The following PBXIP1 variants were observed in gnomAD, a reference collection of about 807,000 sequenced individuals.
PBXIP1 encodes the protein pre-B-cell leukemia transcription factor-interacting protein 1.
A neutral mutation model predicts 73.7 loss-of-function variants in PBXIP1; 73 were observed. The observed-to-expected ratio is 0.99, with a 90% confidence interval of 0.82 to 1.20. The LOEUF (loss-of-function observed/expected upper bound fraction) is 1.20. PBXIP1 is among the 50% of genes most tolerant of loss of function. PBXIP1 has a pLI of 0.00. For synonymous variants in PBXIP1, 330 were observed against 366.9 expected (o/e 0.90, Z 1.15); for missense variants, 818 against 911.4 (o/e 0.90, Z 1.32).
At chr1:154,953,492 C>T (rs1307080007) in intron 2 of PBXIP1, among the ~76,000 whole-genome samples, 179 bp downstream of exon 2, 2 of 152,210 alleles carry the variant, frequency 1.3e-5, no homozygotes, top group Non-Finnish European at 2.9e-5. Context: ...CAAGTGCCAA[C>T]ACCTGACCCC....
chr1:154,948,466 CA>C, intron 5 of PBXIP1, 100 bp from the exon 6 acceptor site: 1 of 821,382 alleles, frequency 1.2e-6, no homozygotes, highest in Non-Finnish European at 1.9e-6. Flanking sequence ...GGGAGGTCGT[CA>C]GCCCTGACCC....
At position 154,945,775 on chromosome 1, in the gene PBXIP1, G is replaced by T. The variant is rs766372247; in HGVS notation, c.1899C>A (p.Thr633=). ...LARLPWAGQL[T]KELPLSPAFF... ...AAGCAGGTGAGAGGGGTAGCTCCTT[G>T]GTCAGCTGCCCAGCCCAGGGCAGCC... The change falls in exon 10 of 11, where the codon ACC becomes ACA. Residue 633 remains threonine, a synonymous_variant. Transcript: ENST00000368463. 5 of 1,614,140 alleles carry T rather than the reference G, an allele frequency of 3.1e-6. No individual in the cohort carries two copies. The East Asian group carries it at 1.1e-4, about 36-fold the overall frequency.
Position 154,955,523 on chromosome 1 carries a change from G to T in PBXIP1, c.-37+546C>A, listed in dbSNP as rs192444557. 3.0e-3 allele frequency among the ~76,000 whole-genome samples: 457 copies of T among 152,222 alleles called. 1 individual carries two copies. The highest frequency in any genetic ancestry group is 4.8e-3 in the Non-Finnish European group (327 of 68,010). The stretch of plus-strand genomic sequence containing the variant: ...TTCCAAACCCTGATACCTCTTTCTT[G>T]GTTAGGTTAACCCAGGGTTCAAAAA... On this transcript the variant is annotated intron_variant, in intron 1 of 10. Transcript: ENST00000368463.
Position 154,948,332 on chromosome 1 carries a change from A to T in PBXIP1, c.444T>A (p.Ser148Arg). 1.9e-6 allele frequency: 3 copies of T among 1,607,338 alleles called. No individual in the cohort carries two copies. The highest frequency in any genetic ancestry group is 2.5e-6 in the Non-Finnish European group (3 of 1,177,158). Reference sequence around the variant, plus strand: ...CCATGTCCACGTCGGTGTCATCGTCACTGCTGGAGCAGCGGCCCTCCTCCC... The same window carrying T: ...CCATGTCCACGTCGGTGTCATCGTCTCTGCTGGAGCAGCGGCCCTCCTCCC... ...WIREEGRCSS[S>R]DDDTDVDMEG... Residue 148 changes from serine to arginine, a missense_variant, in exon 6 of 11, where the codon AGT (serine) becomes AGA (arginine). Ser to Arg is a moderately radical substitution (Grantham distance 110, BLOSUM62 -1). Coordinates refer to ENST00000368463, the MANE Select transcript of PBXIP1 (RefSeq NM_020524.4).
Position 154,945,043 on chromosome 1 carries a change from T to C in PBXIP1, c.2177A>G (p.His726Arg). The change falls in exon 11 of 11, where the codon CAC becomes CGC. Residue 726 changes from histidine to arginine, a missense_variant. Coordinates refer to ENST00000368463, the MANE Select transcript of PBXIP1 (RefSeq NM_020524.4). The part of the protein sequence containing the change: ...GPREGHSHSH[H>R]HHHRG Reference sequence around the variant, plus strand: ...AGGGTGTCAGCCCCGGTGGTGGTGGTGGTGGCTATGGCTGTGCCCCTCCCT... The same window carrying C: ...AGGGTGTCAGCCCCGGTGGTGGTGGCGGTGGCTATGGCTGTGCCCCTCCCT... 6.2e-7 allele frequency: 1 copy of C among 1,613,922 alleles called. No homozygotes were observed. The highest frequency in any genetic ancestry group is 8.5e-7 in the Non-Finnish European group (1 of 1,179,864).
rs954864593 is a variant in PBXIP1, at chr1:154,948,442, G to A, written c.410-76C>T. ...GACACAGGGAGAGAGGGGAATCAGA[G>A]GAAGGCACAGGGAGGGAGGTCGTCA... On this transcript the variant is annotated intron_variant, in intron 5 of 10. Transcript: ENST00000368463. 3.7e-6 allele frequency: 4 copies of A among 1,090,834 alleles called. No homozygotes were observed. The African/African-American group carries it at 6.2e-5, about 17-fold the overall frequency. 67.6% of individuals were successfully genotyped at this position (1,090,834 alleles called of 1,614,324 possible). A position where few individuals can be genotyped will look rare whatever the true frequency, so the allele number is the denominator to read the frequency against.
At chr1:154,949,097 A>G (rs1199449120) in intron 5 of PBXIP1, among the ~76,000 whole-genome samples, 1 of 151,230 alleles carries the variant, frequency 6.6e-6, no homozygotes, top group Non-Finnish European at 1.5e-5. Flanking sequence ...CCTGTTCACA[A>G]CCCACACTGT....
At chr1:154,946,886 A>C in intron 9 of PBXIP1, 83 bp from the exon 10 acceptor site, 11 of 1,366,978 alleles carry the variant, frequency 8.0e-6, no homozygotes, top group Non-Finnish European at 8.9e-6. Flanking sequence ...ATTCCATTCT[A>C]TTATAGTGGG....
chr1:154,954,952 T>C (rs943045611), intron 1 of PBXIP1: 1 of 984,434 alleles, frequency 1.0e-6, no homozygotes, highest in Non-Finnish European at 1.2e-6. Flanking sequence ...ATGGCAGTTC[T>C]ACCTTTGAAA....
intron 7 of PBXIP1, 111 bp from the exon 8 acceptor site, chr1:154,947,823 G>T: frequency 7.1e-7 from 1 of 1,398,968 alleles, no homozygotes; most frequent in Non-Finnish European, 1.0e-6. Flanking sequence ...CCCTGTGGCT[G>T]AGCGGTTTGG....
intron 1 of PBXIP1, among the ~76,000 whole-genome samples, chr1:154,955,851 C>A (rs1225307851): frequency 4.6e-5 from 7 of 152,250 alleles, no homozygotes; most frequent in Non-Finnish European, 1.5e-5. Flanking sequence ...ACTCCTCTAA[C>A]AGTTGCTCCT....
intron 9 of PBXIP1, chr1:154,947,080 C>A (rs1448224273): frequency 3.5e-6 from 2 of 570,066 alleles, no homozygotes; most frequent in Non-Finnish European, 6.3e-6. Context: ...GTGTGGCTCT[C>A]ACAGTCTTAT....
chr1:154,945,090 C>A lies in PBXIP1; in HGVS notation c.2130G>T (p.Gln710His). Residue 710 changes from glutamine (Q) to histidine (H), a missense_variant, in exon 11 of 11, where the codon CAG (glutamine) becomes CAT (histidine). Physicochemically the swap from Gln to His is conservative, Grantham distance 24. Coordinates refer to ENST00000368463, the MANE Select transcript of PBXIP1 (RefSeq NM_020524.4). ...KRSGKKDKHS[Q>H]SPRAAGPREG... Reference sequence around the variant, plus strand: ...CCCTGGGCCCCGCAGCTCTTGGGCTCTGTGAGTGCTTGTCCTTCTTCCCTG... The same window carrying A: ...CCCTGGGCCCCGCAGCTCTTGGGCTATGTGAGTGCTTGTCCTTCTTCCCTG... 1 of 1,614,056 alleles carries A rather than the reference C, an allele frequency of 6.2e-7. No homozygotes were observed. Among genetic ancestry groups the A allele is most frequent in the Non-Finnish European group, 8.5e-7 (1 of 1,179,914 alleles).
Position 154,945,266 on chromosome 1 carries a change from G to C in PBXIP1, c.2103-149C>G, listed in dbSNP as rs936494220. On this transcript the variant is annotated intron_variant, in intron 10 of 10. Transcript: ENST00000368463. Reference sequence around the variant, plus strand: ...AAAAACCTGGTCTCCCAGGATAAAGGCTCCAGTCGGGGAGACAGGAAGATG... The same window carrying C: ...AAAAACCTGGTCTCCCAGGATAAAGCCTCCAGTCGGGGAGACAGGAAGATG... 4 of 650,872 alleles carry C rather than the reference G, an allele frequency of 6.1e-6. No individual in the cohort carries two copies. The African/African-American group carries it at 7.3e-5, about 12-fold the overall frequency. The allele number at this position is 650,872 out of a possible 1,614,324, so 40.3% of individuals were successfully genotyped here.
chr1:154,950,019 T>G (rs2101986679), intron 5 of PBXIP1, among the ~76,000 whole-genome samples: 2 of 151,944 alleles, frequency 1.3e-5, no homozygotes, highest in South Asian at 2.1e-4. Context: ...TTTATTTTAT[T>G]TATTTTTATT....
rs41264253 is a variant in PBXIP1 at position 154,945,876 on chromosome 1, G to A, written c.1798C>T (p.Leu600=). 144,463 of 1,614,014 alleles carry A rather than the reference G, an allele frequency of 0.09. 7,634 individuals carry two copies. The highest frequency in any genetic ancestry group is 0.11 in the Non-Finnish European group (125,675 of 1,179,910). ...GCTAGCTCTGTGCCAAAGAAAGTCAGGCCCTCCTGCCGGGCACACTCGTCC... is the reference window on the plus strand; with the variant it reads ...GCTAGCTCTGTGCCAAAGAAAGTCAAGCCCTCCTGCCGGGCACACTCGTCC... ...GVDECARQEG[L]TFFGTELAPV... Residue 600 remains leucine (L), a synonymous_variant, in exon 10 of 11, where the codon CTG becomes TTG. Coordinates refer to ENST00000368463, the MANE Select transcript of PBXIP1 (RefSeq NM_020524.4).
In PBXIP1 at chr1:154,948,014, A is replaced by C; in HGVS notation, c.644-9T>G. ...AGACTCTGAGAGGCCACCTAAGGAC[A>C]GAGACAGAGGAGTCTGATGAGGCCC... On this transcript the variant is annotated splice_polypyrimidine_tract_variant and intron_variant, in intron 6 of 10. Coordinates refer to ENST00000368463, the MANE Select transcript of PBXIP1 (RefSeq NM_020524.4). The C allele has an allele frequency of 1.2e-6, 2 of 1,613,114 alleles. No individual in the cohort carries two copies. Among genetic ancestry groups the C allele is most frequent in the Non-Finnish European group, 1.7e-6 (2 of 1,179,426 alleles).
chr1:154,945,725 C>G lies in PBXIP1; in HGVS notation c.1949G>C (p.Arg650Pro). 1 of 1,614,232 alleles carries G rather than the reference C, an allele frequency of 6.2e-7. No homozygotes were observed. The highest frequency in any genetic ancestry group is 8.5e-7 in the Non-Finnish European group (1 of 1,180,026). Residue 650 changes from arginine to proline, a missense_variant, in exon 10 of 11, where the codon CGT becomes CCT. Physicochemically the swap from Arg to Pro is moderately radical, Grantham distance 103. Transcript: ENST00000368463. ...PAFFGEDGIF[R>P]HDRLRFRDFV... ...ATCCCGGAAGCGGAGGCGGTCATGA[C>G]GGAAGATGCCATCCTCACCAAAGAA... is the stretch of plus-strand genomic sequence containing the variant.
intron 5 of PBXIP1, among the ~76,000 whole-genome samples, chr1:154,949,080 G>A (rs1654926468): frequency 6.6e-6 from 1 of 151,666 alleles, no homozygotes; most frequent in South Asian, 2.1e-4. Context: ...CATCTTGACA[G>A]TCCACCCCTG....
Sources: allele counts gnomAD v4.1 joint callset (sites outside exome capture counted in the v4.1 genomes callset), GRCh38; gene constraint gnomAD v4.1.1; transcripts MANE v1.5; gene names NCBI Gene and HGNC (gene_info 2026-07-23, HGNC 2026-07-21).